Variants in ACSM3 observed in about 807,000 individuals in gnomAD.
ACSM3 encodes the protein acyl-CoA synthetase medium chain family member 3.
Under a neutral mutation model 74.1 loss-of-function variants are expected in ACSM3, and 61 were observed. The ratio of observed to expected loss-of-function variants is 0.82; its 90% CI spans 0.67 to 1.02. The LOEUF is 1.02. ACSM3 is among the 50% of genes least tolerant of loss of function. ACSM3 has a pLI of 0.00. For missense variants in ACSM3, 660 were observed against 697.0 expected, an observed-to-expected ratio of 0.95 and a Z score of 0.60; for synonymous variants, 213 against 241.5, an observed-to-expected ratio of 0.88 and a Z score of 1.09.
upstream of ACSM3, among the ~76,000 whole-genome samples, chr16:20,761,211 CA>C (rs1269581641): frequency 2.0e-5 from 3 of 152,114 alleles, no homozygotes; most frequent in Non-Finnish European, 4.4e-5. Flanking sequence ...CAGGTTTGAG[CA>C]ATTTTTCTGC....
chr16:20,675,881 G>T (rs2152285422), intron 1 of ACSM3, among the ~76,000 whole-genome samples: 1 of 152,272 alleles, frequency 6.6e-6, no homozygotes, highest in African/African-American at 2.4e-5. Flanking sequence ...CGGAGTTAAA[G>T]GTAAAGTCAC....
intron 10 of ACSM3, chr16:20,791,015 G>T: frequency 7.0e-7 from 1 of 1,435,894 alleles, no homozygotes; most frequent in Non-Finnish European, 9.6e-7. Context: ...AATCCAGTTA[G>T]TGCTCTTTCT....
chr16:20,742,929 T>C (rs993024281), intron 1 of ACSM3, among the ~76,000 whole-genome samples: 2 of 150,430 alleles, frequency 1.3e-5, no homozygotes, highest in African/African-American at 4.9e-5. Context: ...AAAGGTATTG[T>C]ATGTTTGTCT....
At chr16:20,682,304 A>G in intron 1 of ACSM3, 1 of 1,613,866 alleles carries the variant, frequency 6.2e-7, no homozygotes. Flanking sequence ...GTGATCAGAC[A>G]CCAGGAGCTT....
intron 1 of ACSM3, chr16:20,711,710 G>C: frequency 2.2e-6 from 1 of 464,288 alleles, no homozygotes. Context: ...AATCTACGCT[G>C]CCAGCAACAA....
intron 1 of ACSM3, among the ~76,000 whole-genome samples, chr16:20,692,259 A>G (rs766980685): frequency 2.0e-5 from 3 of 152,218 alleles, no homozygotes; most frequent in Non-Finnish European, 4.4e-5. Flanking sequence ...TATGTGGCCA[A>G]GGTGGTTGGG....
intron 1 of ACSM3, among the ~76,000 whole-genome samples, chr16:20,768,275 G>C (rs1185643214): frequency 6.6e-6 from 1 of 152,220 alleles, no homozygotes; most frequent in Non-Finnish European, 1.5e-5. Flanking sequence ...CAGTTCATAA[G>C]AGGCAAAACT....
chr16:20,738,568 C>G (rs955854456), intron 1 of ACSM3, among the ~76,000 whole-genome samples: 1 of 152,142 alleles, frequency 6.6e-6, no homozygotes, highest in Admixed American at 6.5e-5. Flanking sequence ...TTGAGAAATT[C>G]AAATACCTGG....
At chr16:20,780,410 C>G in intron 4 of ACSM3, 2 of 537,304 alleles carry the variant, frequency 3.7e-6, no homozygotes, top group South Asian at 4.5e-5. Flanking sequence ...ACTCCTTACT[C>G]TGCTGGAGGT....
chr16:20,759,931 C>T (rs1012846052), upstream of ACSM3, among the ~76,000 whole-genome samples: 2 of 152,090 alleles, frequency 1.3e-5, no homozygotes, highest in African/African-American at 4.8e-5. Context: ...TGAATTGACC[C>T]TCCTTTTGAC....
rs1010702722 is a variant in ACSM3, at chr16:20,703,300, T to C, written c.-190+28478T>C. 6 of 152,216 alleles carry C rather than the reference T, an allele frequency of 3.9e-5. No individual in the cohort carries two copies. The East Asian group carries it at 9.6e-4, about 24-fold the overall frequency. The allele number at this position is 152,216 out of a possible 1,614,324, so 9.4% of individuals were successfully genotyped here. A position where few individuals can be genotyped will look rare whatever the true frequency, so the allele number is the denominator to read the frequency against. ...AGGATTGTCTTGGCTATATGGGCTC[T>C]TTTTTGTTCCATATGAAATTTAAAG... On this transcript the variant is annotated intron_variant, in intron 1 of 3. Transcript: ENST00000561584.
In ACSM3 at chr16:20,685,237, C is replaced by G. The variant is rs201980910; in HGVS notation, c.-190+10415C>G. 5.6e-6 allele frequency: 9 copies of G among 1,614,162 alleles called. No individual in the cohort carries two copies. The Admixed American group carries it at 1.0e-4, about 18-fold the overall frequency. On this transcript the variant is annotated intron_variant, in intron 1 of 3. Transcript: ENST00000561584. ...AGCCACCAGCCACCACTCAGGAACT[C>G]GAGGCAGCATCAAGGCCAGATGGTC...
At chr16:20,736,431 A>T (rs2079870039) in intron 1 of ACSM3, 1 of 154,634 alleles carries the variant, frequency 6.5e-6, no homozygotes, top group Non-Finnish European at 1.4e-5. Flanking sequence ...AAGTACAAAA[A>T]CTTCACTAAA....
At chr16:20,756,157 G>C (rs1348426539) in intron 3 of ACSM3, among the ~76,000 whole-genome samples, 1 of 151,858 alleles carries the variant, frequency 6.6e-6, no homozygotes, top group African/African-American at 2.4e-5. Flanking sequence ...CCAGTAATGG[G>C]ATGGCTGGGT....
At chr16:20,729,468 C>T in intron 1 of ACSM3, 1 of 681,150 alleles carries the variant, frequency 1.5e-6, no homozygotes, top group Non-Finnish European at 2.7e-6. Context: ...CGTATTGGGC[C>T]ATTTGAAGTG....
intron 12 of ACSM3, among the ~76,000 whole-genome samples, chr16:20,794,484 ATTTAAT>A (rs1291325407): frequency 1.3e-5 from 2 of 152,182 alleles, no homozygotes; most frequent in Non-Finnish European, 2.9e-5. Flanking sequence ...ATTTAATCTT[ATTTAAT>A]TTTAATTGAT....
chr16:20,723,106 T>A (rs142128591), intron 1 of ACSM3, among the ~76,000 whole-genome samples: 1,759 of 152,258 alleles, frequency 0.012, 33 homozygotes, highest in African/African-American at 0.041. Flanking sequence ...ATTGTTCAAT[T>A]CCCACCTATG....
At chr16:20,686,818 A>T (rs1396013568) in intron 1 of ACSM3, among the ~76,000 whole-genome samples, 1 of 152,008 alleles carries the variant, frequency 6.6e-6, no homozygotes, top group Non-Finnish European at 1.5e-5. Context: ...AAGAAAAAAA[A>T]AAAGTTTAAC....
chr16:20,795,821 CCTAT>C (rs2080712082), intron 12 of ACSM3, among the ~76,000 whole-genome samples: 1 of 152,150 alleles, frequency 6.6e-6, no homozygotes, highest in South Asian at 2.1e-4. Context: ...TGAGGGATGG[CCTAT>C]CTTTCTGTCT....
Sources: allele counts gnomAD v4.1 joint callset (sites outside exome capture counted in the v4.1 genomes callset), GRCh38; gene constraint gnomAD v4.1.1; transcripts MANE v1.5; gene names NCBI Gene and HGNC (gene_info 2026-07-23, HGNC 2026-07-21).